XPO1: variants seen among roughly 807,000 people sequenced by gnomAD.
The protein encoded by XPO1 is exportin 1, also known as exportin-1.
XPO1 carries 5 observed loss-of-function variants against 133.3 expected under a neutral mutation model. The ratio of observed to expected loss-of-function variants is 0.04; its 90% CI spans 0.02 to 0.08. XPO1 has a LOEUF of 0.08. Among genes scored for constraint, XPO1 ranks in the 10% least tolerant of loss-of-function variants. The pLI is 1.00. For missense variants in XPO1, 506 were observed against 1,267.5 expected, an observed-to-expected ratio of 0.40 and a Z score of 9.12; for synonymous variants, 419 against 408.2, an observed-to-expected ratio of 1.03 and a Z score of -0.32.
At chr2:61,485,070 G>C (rs879467618) in intron 20 of XPO1, 4 of 152,118 alleles carry the variant, frequency 2.6e-5, no homozygotes, top group African/African-American at 7.2e-5. Context: ...AATAGAGATG[G>C]GGTTTTGCCA....
chr2:61,488,097 G>T, intron 19 of XPO1, 68 bp downstream of exon 19: 1 of 1,350,060 alleles, frequency 7.4e-7, no homozygotes, highest in South Asian at 1.2e-5. Context: ...GCACATAATA[G>T]AGTATAGCAT....
intron 4 of XPO1, among the ~76,000 whole-genome samples, chr2:61,508,862 G>C (rs975048520): frequency 2.6e-5 from 4 of 152,162 alleles, no homozygotes; most frequent in Non-Finnish European, 5.9e-5. Context: ...CTTATTAAGA[G>C]AAAGATGCAG....
Position 61,537,593 on chromosome 2 carries a change from T to C in XPO1, c.-38A>G, listed in dbSNP as rs1256890127. ...ATTGAACCAACTGCTCCTTCCTTCC[T>C]CGTTGGGGGATTAGGGCGAGGGAAG... On this transcript the variant is annotated 5_prime_UTR_variant, in exon 1 of 25. Coordinates refer to ENST00000401558, the MANE Select transcript of XPO1 (RefSeq NM_003400.4). 1 of 150,304 alleles carries C rather than the reference T, an allele frequency of 6.7e-6. No individual in the cohort carries two copies. Among genetic ancestry groups the C allele is most frequent in the Non-Finnish European group, 1.5e-5 (1 of 67,322 alleles). 9.3% of individuals were successfully genotyped at this position (150,304 alleles called of 1,614,324 possible). A position where few individuals can be genotyped will look rare whatever the true frequency, so the allele number is the denominator to read the frequency against.
At chr2:61,521,957 T>C (rs1411348963) in intron 4 of XPO1, among the ~76,000 whole-genome samples, 1 of 152,160 alleles carries the variant, frequency 6.6e-6, no homozygotes, top group Non-Finnish European at 1.5e-5. Context: ...AGGGTCTCGC[T>C]ATGTTACCCA....
chr2:61,505,113 C>T (rs1248735591), intron 4 of XPO1, among the ~76,000 whole-genome samples: 3 of 152,184 alleles, frequency 2.0e-5, no homozygotes, highest in Non-Finnish European at 4.4e-5. Context: ...TGGACTCAAG[C>T]GATCCTCCTG....
intron 12 of XPO1, 176 bp downstream of exon 12, chr2:61,493,718 T>C: frequency 7.3e-6 from 5 of 683,248 alleles, no homozygotes; most frequent in Non-Finnish European, 1.2e-5. Context: ...ACCACACTCT[T>C]GAGAATCAAG....
At chr2:61,507,893 A>T (rs1357094984) in intron 4 of XPO1, among the ~76,000 whole-genome samples, 1 of 152,210 alleles carries the variant, frequency 6.6e-6, no homozygotes, top group Non-Finnish European at 1.5e-5. Context: ...TCAAGGCTCC[A>T]TATCATTAAT....
intron 7 of XPO1, 149 bp from the exon 8 acceptor site, chr2:61,499,062 G>A: frequency 1.1e-6 from 1 of 899,010 alleles, no homozygotes; most frequent in Non-Finnish European, 1.6e-6. Context: ...CAGAAGGATT[G>A]TTTGAGACCA....
intron 4 of XPO1, among the ~76,000 whole-genome samples, 167 bp downstream of exon 4, chr2:61,522,444 C>T (rs1698740046): frequency 6.6e-6 from 1 of 152,154 alleles, no homozygotes; most frequent in South Asian, 2.1e-4. Flanking sequence ...AAGTGGCCTT[C>T]CTGTACCCAC....
Position 61,488,286 on chromosome 2 carries a change from C to A in XPO1, c.2207-15G>T. 1 of 1,607,152 alleles carries A rather than the reference C, an allele frequency of 6.2e-7. No homozygotes were observed. The highest frequency in any genetic ancestry group is 1.1e-5 in the South Asian group (1 of 90,856). ...AACCATTTCACCTACAAAACAGAAT[C>A]AAATGGAATCTAATTTTACCACTAA... On this transcript the variant is annotated splice_polypyrimidine_tract_variant and intron_variant, in intron 18 of 24. Coordinates refer to ENST00000401558, the MANE Select transcript of XPO1 (RefSeq NM_003400.4).
chr2:61,531,686 G>T (rs1257967961), intron 2 of XPO1, among the ~76,000 whole-genome samples: 1 of 152,140 alleles, frequency 6.6e-6, no homozygotes, highest in Non-Finnish European at 1.5e-5. Context: ...ATTCAGAGTT[G>T]AACCCAACCT....
chr2:61,480,593 A>C (rs1307886732), intron 24 of XPO1: 1 of 151,984 alleles, frequency 6.6e-6, no homozygotes, highest in Non-Finnish European at 1.5e-5. Context: ...GGTAACTTTC[A>C]TTAGTTTTTT....
intron 3 of XPO1, 182 bp downstream of exon 3, chr2:61,526,238 A>C (rs1698900160): frequency 1.4e-6 from 2 of 1,401,518 alleles, no homozygotes; most frequent in East Asian, 5.5e-5. Context: ...ACAAAACTTC[A>C]TTCATAATTC....
chr2:61,533,679 C>G (rs115819167), intron 2 of XPO1, 93 bp downstream of exon 2: 1 of 1,298,638 alleles, frequency 7.7e-7, no homozygotes, highest in Admixed American at 3.1e-5. Context: ...TATGGAATAT[C>G]TTTTTTAAAG....
At chr2:61,488,886 G>A (rs1696822013) in intron 17 of XPO1, 115 bp from the exon 18 acceptor site, 2 of 1,085,154 alleles carry the variant, frequency 1.8e-6, no homozygotes, top group African/African-American at 1.6e-5. Context: ...CGGATGATGA[G>A]TTCAGGAGAT....
In XPO1 at chr2:61,526,613, T is replaced by C. The variant is rs1698912949; in HGVS notation, c.127-92A>G. 10 of 892,246 alleles carry C rather than the reference T, an allele frequency of 1.1e-5. No homozygotes were observed. The South Asian group carries it at 2.6e-4, about 23-fold the overall frequency. 55.3% of individuals were successfully genotyped at this position (892,246 alleles called of 1,614,324 possible). ...AAACTACTGAGCAAGGCACAAATTC[T>C]AATTGGACAGAGATTCTATTATTGA... On this transcript the variant is annotated intron_variant, in intron 2 of 24. Transcript: ENST00000401558.
intron 4 of XPO1, among the ~76,000 whole-genome samples, chr2:61,518,414 CAAAACACACACA>C: frequency 1.2e-5 from 1 of 85,616 alleles, no homozygotes; most frequent in Admixed American, 1.0e-4. Context: ...AAACAAAAAA[CAAAACACACACA>C]CACACACACA....
intron 24 of XPO1, among the ~76,000 whole-genome samples, chr2:61,479,379 A>G (rs1246795881): frequency 6.6e-6 from 1 of 151,890 alleles, no homozygotes; most frequent in Non-Finnish European, 1.5e-5. Context: ...TTGAACCTGC[A>G]TGGCGGAGGT....
chr2:61,507,243 CAAAAA>C (rs55737388), intron 4 of XPO1, among the ~76,000 whole-genome samples: 3 of 65,498 alleles, frequency 4.6e-5, no homozygotes, highest in South Asian at 6.2e-4. Context: ...GACTCCATCT[CAAAAA>C]AAAAAAAAAA....
Sources: allele counts gnomAD v4.1 joint callset (sites outside exome capture counted in the v4.1 genomes callset), GRCh38; gene constraint gnomAD v4.1.1; transcripts MANE v1.5; gene names NCBI Gene and HGNC (gene_info 2026-07-23, HGNC 2026-07-21).